The following MDGA2 variants were observed in gnomAD, a reference collection of about 807,000 sequenced individuals.
MDGA2 encodes the protein MAM domain containing glycosylphosphatidylinositol anchor 2.
Under a neutral mutation model 117.8 loss-of-function variants are expected in MDGA2, and 40 were observed. The ratio of observed to expected loss-of-function variants is 0.34; its 90% CI spans 0.26 to 0.44. The LOEUF (loss-of-function observed/expected upper bound fraction) is 0.44, where lower values mean the gene tolerates loss of function less well. Ranked by LOEUF, MDGA2 falls within the 20% of genes least tolerant of loss-of-function variation. The pLI, the probability that MDGA2 is intolerant of heterozygous loss-of-function variation, is 1.00. For missense variants in MDGA2, 1,123 were observed against 1,250.6 expected, an observed-to-expected ratio of 0.90 and a Z score of 1.54; for synonymous variants, 452 against 439.0, an observed-to-expected ratio of 1.03 and a Z score of -0.37.
At chr14:47,129,980 T>G (rs1338364279) in intron 5 of MDGA2, among the ~76,000 whole-genome samples, 1 of 150,638 alleles carries the variant, frequency 6.6e-6, no homozygotes, top group African/African-American at 2.4e-5. Context: ...TCATTGTAGA[T>G]TCTGGATATT....
intron 1 of MDGA2, among the ~76,000 whole-genome samples, chr14:47,349,835 G>A (rs569374139): frequency 3.3e-5 from 5 of 152,278 alleles, no homozygotes; most frequent in Admixed American, 1.3e-4. Flanking sequence ...TTTACCCCCA[G>A]AAGGTTGATC....
intron 8 of MDGA2, among the ~76,000 whole-genome samples, chr14:47,008,144 TA>T (rs1324863731): frequency 2.6e-5 from 4 of 151,896 alleles, no homozygotes; most frequent in Admixed American, 1.3e-4. Context: ...ATTCTATATA[TA>T]AATTATGTGG....
intron 8 of MDGA2, among the ~76,000 whole-genome samples, chr14:47,011,683 T>C (rs1164849024): frequency 2.0e-5 from 3 of 152,020 alleles, no homozygotes; most frequent in Admixed American, 1.3e-4. Context: ...ATATTTGTAA[T>C]AGGCTGCTTC....
At chr14:46,976,626 A>G (rs1886469596) in intron 8 of MDGA2, among the ~76,000 whole-genome samples, 1 of 151,990 alleles carries the variant, frequency 6.6e-6, no homozygotes, top group Non-Finnish European at 1.5e-5. Context: ...AAGCTATCAT[A>G]TCCGTTATTG....
chr14:47,527,062 C>T (rs956203111), intron 1 of MDGA2, among the ~76,000 whole-genome samples: 40 of 152,132 alleles, frequency 2.6e-4, no homozygotes, highest in African/African-American at 9.4e-4. Context: ...ACTGAACAAC[C>T]TACAAAGGTG....
intron 9 of MDGA2, among the ~76,000 whole-genome samples, chr14:46,923,352 T>C (rs891123488): frequency 1.3e-5 from 2 of 152,098 alleles, no homozygotes; most frequent in African/African-American, 4.8e-5. Context: ...TATTTCAATA[T>C]CTCATATTAT....
intron 1 of MDGA2, among the ~76,000 whole-genome samples, chr14:47,627,051 G>A (rs1897158525): frequency 6.6e-6 from 1 of 152,264 alleles, no homozygotes; most frequent in Non-Finnish European, 1.5e-5. Context: ...TCTAGCTCAG[G>A]GTTTGTGAAT....
intron 1 of MDGA2, chr14:47,343,041 T>C: frequency 7.8e-7 from 1 of 1,283,026 alleles, no homozygotes; most frequent in African/African-American, 1.5e-5. Flanking sequence ...CAGGCAGCAC[T>C]ACCGTGAGTC....
At chr14:46,986,461 G>T (rs2138409629) in intron 8 of MDGA2, among the ~76,000 whole-genome samples, 1 of 152,106 alleles carries the variant, frequency 6.6e-6, no homozygotes, top group South Asian at 2.1e-4. Flanking sequence ...CTGACAACCT[G>T]GGCATCTGCC....
intron 4 of MDGA2, among the ~76,000 whole-genome samples, chr14:47,137,914 T>C (rs1474969228): frequency 6.6e-6 from 1 of 152,130 alleles, no homozygotes; most frequent in African/African-American, 2.4e-5. Context: ...ACATGGTCTC[T>C]AAGTTAATAT....
At chr14:47,079,615 A>G (rs1361085252) in intron 6 of MDGA2, among the ~76,000 whole-genome samples, 1 of 150,868 alleles carries the variant, frequency 6.6e-6, no homozygotes, top group African/African-American at 2.4e-5. Flanking sequence ...AAAGACATTT[A>G]TTGCATCCAA....
chr14:47,268,924 C>A (rs924706131), intron 2 of MDGA2, among the ~76,000 whole-genome samples: 2 of 134,836 alleles, frequency 1.5e-5, no homozygotes, highest in African/African-American at 5.8e-5. Context: ...ATATGCTTTA[C>A]TTTTTCTGTA....
chr14:46,981,890 G>A (rs1334973550), intron 8 of MDGA2, among the ~76,000 whole-genome samples: 2 of 152,150 alleles, frequency 1.3e-5, no homozygotes, highest in African/African-American at 4.8e-5. Context: ...GGCCACAGAG[G>A]TGAATGATTC....
At chr14:46,987,020 T>C (rs1044827300) in intron 8 of MDGA2, among the ~76,000 whole-genome samples, 27 of 152,068 alleles carry the variant, frequency 1.8e-4, no homozygotes, top group African/African-American at 6.5e-4. Flanking sequence ...TTTATGTAGG[T>C]AGGCATGTAG....
chr14:47,091,275 T>C (rs1451845670), intron 6 of MDGA2, among the ~76,000 whole-genome samples: 1 of 152,160 alleles, frequency 6.6e-6, no homozygotes. Context: ...GCATCTACTA[T>C]ATGCTGGGTA....
At chr14:47,193,085 T>C (rs1457532726) in intron 3 of MDGA2, among the ~76,000 whole-genome samples, 1 of 151,380 alleles carries the variant, frequency 6.6e-6, no homozygotes, top group Non-Finnish European at 1.5e-5. Context: ...ACATTCCTAA[T>C]CATACTTTAA....
intron 8 of MDGA2, among the ~76,000 whole-genome samples, chr14:46,990,106 G>C (rs1043112623): frequency 2.0e-5 from 3 of 152,050 alleles, no homozygotes; most frequent in African/African-American, 7.2e-5. Flanking sequence ...ACCTTGAAAT[G>C]TGTTAACTTC....
intron 1 of MDGA2, among the ~76,000 whole-genome samples, chr14:47,502,837 G>A (rs762271625): frequency 2.6e-5 from 4 of 151,966 alleles, no homozygotes; most frequent in South Asian, 2.1e-4. Context: ...CACCATGCCC[G>A]AGTAATTTAT....
intron 8 of MDGA2, among the ~76,000 whole-genome samples, chr14:46,999,655 G>T (rs966543406): frequency 6.6e-6 from 1 of 151,924 alleles, no homozygotes; most frequent in Non-Finnish European, 1.5e-5. Flanking sequence ...AAGAAAGAAG[G>T]GGGCTGTAAG....
Sources: allele counts gnomAD v4.1 joint callset (sites outside exome capture counted in the v4.1 genomes callset), GRCh38; gene constraint gnomAD v4.1.1; transcripts MANE v1.5; gene names NCBI Gene and HGNC (gene_info 2026-07-23, HGNC 2026-07-21).